The following HCN4 variants were observed in gnomAD, a reference collection of about 807,000 sequenced individuals.
The protein encoded by HCN4 is potassium/sodium hyperpolarization-activated cyclic nucleotide-gated channel 4.
A neutral mutation model predicts 76.9 loss-of-function variants in HCN4; 29 were observed. The ratio of observed to expected loss-of-function variants is 0.38; its 90% CI spans 0.28 to 0.51. The LOEUF is 0.51. Among genes scored for constraint, HCN4 ranks in the 20% least tolerant of loss-of-function variants. The probability of loss-of-function intolerance (pLI) is 0.90; values close to 1 mark genes in which losing one functional copy is unlikely to be tolerated. For missense variants in HCN4, 1,416 were observed against 1,715.2 expected (o/e 0.83, Z 3.08); for synonymous variants, 772 against 762.5 (o/e 1.01, Z -0.21).
Position 73,367,725 on chromosome 15 carries a change from G to C in HCN4, c.546C>G (p.Pro182=), listed in dbSNP as rs571671463. Residue 182 remains proline (P), a synonymous_variant, in exon 1 of 8, where the codon CCC becomes CCG. Coordinates refer to ENST00000261917, the MANE Select transcript of HCN4 (RefSeq NM_005477.3). This position sits in a 1 kb window ranked among gnomAD's most constrained non-coding sequence, Gnocchi z 7.5. The part of the protein sequence containing the change: ...PQPASASCEQ[P]SVDTAIKVEG... The stretch of plus-strand genomic sequence containing the variant: ...CCACTTTGATAGCGGTGTCCACCGA[G>C]GGCTGCTCGCAGGAGGCGGAGGCCG... The C allele has an allele frequency of 9.3e-4, 1,474 of 1,593,384 alleles. 16 individuals carry two copies. In the Admixed American group the frequency reaches 0.022, roughly 24 times the overall value.
intron 1 of HCN4, among the ~76,000 whole-genome samples, chr15:73,347,818 A>C (rs2043036077): frequency 6.6e-6 from 1 of 152,196 alleles, no homozygotes; most frequent in Non-Finnish European, 1.5e-5. Flanking sequence ...TAGTCTCTCC[A>C]AATCCAGAGG....
rs538899203 is a variant in HCN4, at chr15:73,342,024, TCCATGGAAGCTTGTCCCGC to T, written c.1209+1342_1209+1360del. 1.7e-3 allele frequency among the ~76,000 whole-genome samples: 266 copies of T among 152,236 alleles called. 11 individuals carry two copies. In the South Asian group the frequency reaches 0.053, roughly 31 times the overall value. ...ACAGGGATGGAGCGGGAAATGGCCC[TCCATGGAAGCTTGTCCCGC>T]CCACAGGTGGCAGGGATCCAAGGTG... On this transcript the variant is annotated intron_variant, in intron 2 of 7. Coordinates refer to ENST00000261917, the MANE Select transcript of HCN4 (RefSeq NM_005477.3).
intron 1 of HCN4, among the ~76,000 whole-genome samples, chr15:73,361,268 C>T (rs1418257231): frequency 6.6e-6 from 1 of 152,188 alleles, no homozygotes; most frequent in East Asian, 1.9e-4. Flanking sequence ...CACCTCAGAT[C>T]CGAGTGGGTG....
chr15:73,323,141 T>A lies in HCN4; in HGVS notation c.2952A>T (p.Leu984=). 6.3e-7 allele frequency: 1 copy of A among 1,588,590 alleles called. No individual in the cohort carries two copies. Among genetic ancestry groups the A allele is most frequent in the Admixed American group, 1.8e-5 (1 of 56,674 alleles). The change falls in exon 8 of 8, where the codon CTA becomes CTT. Residue 984 remains leucine, a synonymous_variant. Coordinates refer to ENST00000261917, the MANE Select transcript of HCN4 (RefSeq NM_005477.3). ...TGCTCAGTGGGCCAGTGGCCAGACC[T>A]AGGGACAACTCCCCGGGAGGCTGGC... ...QLGQPPGELS[L]GLATGPLSTP...
chr15:73,336,545 G>T (rs1288951415), intron 2 of HCN4, among the ~76,000 whole-genome samples: 1 of 152,060 alleles, frequency 6.6e-6, no homozygotes, highest in East Asian at 1.9e-4. Context: ...TCTCTACGTG[G>T]ACACATCCAA....
intron 1 of HCN4, among the ~76,000 whole-genome samples, chr15:73,352,987 T>C (rs1268006067): frequency 6.6e-6 from 1 of 151,372 alleles, no homozygotes; most frequent in African/African-American, 2.4e-5. Context: ...ATCTTATTGT[T>C]AAATGGATGG....
intron 1 of HCN4, among the ~76,000 whole-genome samples, chr15:73,352,727 G>C (rs1251085293): frequency 1.3e-5 from 2 of 152,134 alleles, no homozygotes; most frequent in East Asian, 3.9e-4. Flanking sequence ...TCCACCACAG[G>C]GGATTTTAGA....
chr15:73,322,776 G>T lies in HCN4; in HGVS notation c.3317C>A (p.Pro1106Gln). 3 of 1,556,904 alleles carry T rather than the reference G, an allele frequency of 1.9e-6. No homozygotes were observed. Among genetic ancestry groups the T allele is most frequent in the Non-Finnish European group, 2.6e-6 (3 of 1,149,990 alleles). ...AGCCATGGACTCCCCTGAGGAGTGC[G>T]GGGAGGCTCTGCGGAGAGTCTGCGC... is the stretch of plus-strand genomic sequence containing the variant. The part of the protein sequence containing the change: ...DGAQTLRRAS[P>Q]HSSGESMAAF... Residue 1106 changes from proline (P) to glutamine (Q), a missense_variant, in exon 8 of 8, where the codon CCG becomes CAG. Transcript: ENST00000261917.
Position 73,328,188 on chromosome 15 carries a change from C to T in HCN4, c.1590+1385G>A, listed in dbSNP as rs548244040. On this transcript the variant is annotated intron_variant, in intron 4 of 7. Coordinates refer to ENST00000261917, the MANE Select transcript of HCN4 (RefSeq NM_005477.3). This position sits in a 1 kb window ranked among gnomAD's most constrained non-coding sequence, Gnocchi z 4.0. Reference sequence around the variant, plus strand: ...GGTGAGGGGCTGGCCAGGTCACAGACGGCTTCTCTAAGTGGTGAGGCTGGA... The same window carrying T: ...GGTGAGGGGCTGGCCAGGTCACAGATGGCTTCTCTAAGTGGTGAGGCTGGA... Among the ~76,000 whole-genome samples, 9 of 152,130 alleles carry T rather than the reference C, an allele frequency of 5.9e-5. 1 individual carries two copies. The highest frequency in any genetic ancestry group is 3.9e-4 in the East Asian group (2 of 5,112).
chr15:73,354,537 G>C (rs1271399914), intron 1 of HCN4, among the ~76,000 whole-genome samples: 2 of 152,310 alleles, frequency 1.3e-5, no homozygotes, highest in East Asian at 3.9e-4. Flanking sequence ...TGAGACTGCT[G>C]GTGCAGGGAC....
intron 2 of HCN4, among the ~76,000 whole-genome samples, chr15:73,339,797 C>A (rs1449576038): frequency 6.6e-6 from 1 of 152,140 alleles, no homozygotes; most frequent in South Asian, 2.1e-4. Context: ...GTGGGAGAAG[C>A]CCCCGGGCTG....
intron 1 of HCN4, among the ~76,000 whole-genome samples, chr15:73,365,489 A>C (rs77147184): frequency 0.011 from 1,675 of 152,328 alleles, 20 homozygotes; most frequent in African/African-American, 0.037. Flanking sequence ...CCTCTCCTGC[A>C]GCCATGTCCC....
chr15:73,350,256 C>T (rs557970710), intron 1 of HCN4, among the ~76,000 whole-genome samples: 6 of 152,322 alleles, frequency 3.9e-5, no homozygotes, highest in Admixed American at 2.0e-4. Flanking sequence ...CTAAAACCAA[C>T]GCCTTTAACT....
chr15:73,329,433 T>A (rs577766627), intron 4 of HCN4, 140 bp downstream of exon 4: 494 of 739,584 alleles, frequency 6.7e-4, no homozygotes, highest in Non-Finnish European at 7.8e-4. Flanking sequence ...GTCTCCCTCC[T>A]CCTGCTCTTC....
intron 2 of HCN4, among the ~76,000 whole-genome samples, chr15:73,334,939 T>C (rs1405207022): frequency 6.6e-6 from 1 of 152,002 alleles, no homozygotes; most frequent in Non-Finnish European, 1.5e-5. Context: ...CATCAGGTCA[T>C]GAAGTTGGCA....
At position 73,359,211 on chromosome 15, in the gene HCN4, G is replaced by A. The variant is rs371631034; in HGVS notation, c.785+8275C>T. On this transcript the variant is annotated intron_variant, in intron 1 of 7. Coordinates refer to ENST00000261917, the MANE Select transcript of HCN4 (RefSeq NM_005477.3). ...TGCAATTTGTGGTAGCCCAGAGCTG[G>A]GGGAGCAGTGGGTGGAGGGAGTCCC... Among the ~76,000 whole-genome samples, 9 of 152,320 alleles carry A rather than the reference G, an allele frequency of 5.9e-5. No individual in the cohort carries two copies. In the East Asian group the frequency reaches 7.7e-4, roughly 13 times the overall value.
intron 2 of HCN4, among the ~76,000 whole-genome samples, chr15:73,341,725 C>A (rs2043004773): frequency 6.6e-6 from 1 of 152,230 alleles, no homozygotes; most frequent in African/African-American, 2.4e-5. Flanking sequence ...ACTGCATGAC[C>A]TTGGGAGAGT....
intron 1 of HCN4, among the ~76,000 whole-genome samples, chr15:73,364,071 A>G (rs1750470040): frequency 6.6e-6 from 1 of 152,072 alleles, no homozygotes; most frequent in African/African-American, 2.4e-5. Flanking sequence ...TTTCTGCCCC[A>G]AGGAAAGGAC....
In HCN4 at chr15:73,368,351, G is replaced by A. The variant is rs889206942; in HGVS notation, c.-81C>T. On this transcript the variant is annotated 5_prime_UTR_variant, in exon 1 of 8. Transcript: ENST00000261917. The surrounding 1 kb of genome is among the most constrained non-coding windows in gnomAD (Gnocchi z 6.9). ...GGGCTCCAGGTCCGCCCGCCGGTCA[G>A]TCCGCCCGTGGGGACGCGTCCTTTG... 10 of 1,053,464 alleles carry A rather than the reference G, an allele frequency of 9.5e-6. No individual in the cohort carries two copies. The highest frequency in any genetic ancestry group is 8.5e-5 in the Admixed American group (2 of 23,638). The allele number at this position is 1,053,464 out of a possible 1,614,324, so 65.3% of individuals were successfully genotyped here.
Sources: allele counts gnomAD v4.1 joint callset (sites outside exome capture counted in the v4.1 genomes callset), GRCh38; gene constraint gnomAD v4.1.1; non-coding constraint Gnocchi (gnomAD v3.1); transcripts MANE v1.5; gene names NCBI Gene and HGNC (gene_info 2026-07-23, HGNC 2026-07-21).